Variants in TRIM33 observed in about 807,000 individuals in gnomAD.
TRIM33 encodes tripartite motif containing 33.
A neutral mutation model predicts 125.4 loss-of-function variants in TRIM33; 20 were observed. That is an observed-to-expected ratio of 0.16 (90% CI 0.11 to 0.23). The LOEUF is 0.23. Ranked by LOEUF, TRIM33 falls within the 10% of genes least tolerant of loss-of-function variation. The pLI is 1.00. For synonymous variants in TRIM33, 564 were observed against 513.9 expected, an observed-to-expected ratio of 1.10 and a Z score of -1.32; for missense variants, 920 against 1,411.4, an observed-to-expected ratio of 0.65 and a Z score of 5.58.
At position 114,510,714 on chromosome 1, in the gene TRIM33, G is replaced by A; in HGVS notation, c.363C>T (p.Leu121=). The change falls in exon 1 of 20, where the codon CTC becomes CTT. Residue 121 remains leucine, a synonymous_variant. Coordinates refer to ENST00000358465, the MANE Select transcript of TRIM33 (RefSeq NM_015906.4). ...AGPPPGPPAS[L]LDTCAVCQQS... Reference sequence around the variant, plus strand: ...GCTGACACACGGCGCAGGTGTCCAGGAGCGAGGCTGGCGGTCCAGGAGGCG... The same window carrying A: ...GCTGACACACGGCGCAGGTGTCCAGAAGCGAGGCTGGCGGTCCAGGAGGCG... 6 of 1,538,344 alleles carry A rather than the reference G, an allele frequency of 3.9e-6. No homozygotes were observed. In the African/African-American group the frequency reaches 4.1e-5, roughly 11 times the overall value.
intron 15 of TRIM33, among the ~76,000 whole-genome samples, chr1:114,403,973 C>G (rs1006044955): frequency 6.6e-6 from 1 of 151,948 alleles, no homozygotes; most frequent in Non-Finnish European, 1.5e-5. Context: ...TACCTCCTAT[C>G]TTTTAACCCT....
intron 4 of TRIM33, among the ~76,000 whole-genome samples, chr1:114,451,350 A>T (rs1329573611): frequency 6.6e-6 from 1 of 150,972 alleles, no homozygotes; most frequent in Non-Finnish European, 1.5e-5. Flanking sequence ...AGATCCACCA[A>T]ATCTTCCATT....
chr1:114,468,578 T>A (rs899761628), intron 1 of TRIM33: 3 of 393,220 alleles, frequency 7.6e-6, no homozygotes, highest in Admixed American at 7.7e-5. Context: ...ACAAAAAAGA[T>A]GTTTGATACT....
intron 1 of TRIM33, among the ~76,000 whole-genome samples, chr1:114,481,360 A>G (rs7544790): frequency 0.35 from 52,804 of 152,012 alleles, 9,867 homozygotes; most frequent in African/African-American, 0.46. Flanking sequence ...TTGGGAAGCC[A>G]AGGTGGTGGA....
chr1:114,495,150 A>G (rs1652297117), intron 1 of TRIM33, among the ~76,000 whole-genome samples: 1 of 152,116 alleles, frequency 6.6e-6, no homozygotes, highest in African/African-American at 2.4e-5. Context: ...CCTGACCTCA[A>G]GTGGTTCGCT....
At chr1:114,476,506 A>T (rs1650987979) in intron 1 of TRIM33, among the ~76,000 whole-genome samples, 1 of 152,128 alleles carries the variant, frequency 6.6e-6, no homozygotes. Flanking sequence ...AAAAAAACAG[A>T]AGTATGAGAA....
Position 114,407,042 on chromosome 1 carries a change from C to G in TRIM33, c.2317G>C (p.Val773Leu), listed in dbSNP as rs138650692. Reference protein sequence around the residue: ...KTSLSFKSDQVKVKQEPGTED... With the variant: ...KTSLSFKSDQLKVKQEPGTED... ...GTCCCAGGTTCTTGCTTGACCTTCA[C>G]CTGATCAGATTTGAAACTAAGACTT... The change falls in exon 14 of 20, where the codon GTG becomes CTG. Residue 773 changes from valine to leucine, a missense_variant. By Grantham distance (32) the Val-to-Leu change is conservative. This residue lies in a region of TRIM33 where 407 missense variants were observed against 589.7 expected (regional missense o/e 0.69). Transcript: ENST00000358465. 3 of 1,613,868 alleles carry G rather than the reference C, an allele frequency of 1.9e-6. No individual in the cohort carries two copies. The highest frequency in any genetic ancestry group is 2.2e-5 in the East Asian group (1 of 44,888).
At chr1:114,505,822 C>T (rs1424533280) in intron 1 of TRIM33, among the ~76,000 whole-genome samples, 1 of 152,140 alleles carries the variant, frequency 6.6e-6, no homozygotes, top group Non-Finnish European at 1.5e-5. Flanking sequence ...CCCGCCTCGG[C>T]CTCCCAAAGT....
At chr1:114,435,177 G>C (rs1386461972) in intron 4 of TRIM33, among the ~76,000 whole-genome samples, 1 of 152,094 alleles carries the variant, frequency 6.6e-6, no homozygotes, top group Non-Finnish European at 1.5e-5. Flanking sequence ...AAATATAAAA[G>C]ACCCAAAGAA....
chr1:114,510,976 G>T lies in TRIM33; in HGVS notation c.101C>A (p.Ala34Glu). 2 of 1,356,886 alleles carry T rather than the reference G, an allele frequency of 1.5e-6. No individual in the cohort carries two copies. The highest frequency in any genetic ancestry group is 3.5e-5 in the South Asian group (2 of 56,698). The allele number at this position is 1,356,886 out of a possible 1,614,324, so 84.1% of individuals were successfully genotyped here. ...CAGCACCGCGGTGAGAGGCGGCTCC[G>T]CCTCCTGCGCGGCGGGCCCGGCGGC... ...AGAAGPAAQE[A>E]EPPLTAVLVE... The change falls in exon 1 of 20, where the codon GCG becomes GAG. Residue 34 changes from alanine (A) to glutamate (E), a missense_variant. Ala to Glu is a moderately radical substitution (Grantham distance 107). Coordinates refer to ENST00000358465, the MANE Select transcript of TRIM33 (RefSeq NM_015906.4).
intron 8 of TRIM33, among the ~76,000 whole-genome samples, chr1:114,425,975 A>G (rs1270118645): frequency 6.6e-6 from 1 of 152,190 alleles, no homozygotes; most frequent in African/African-American, 2.4e-5. Context: ...ACTTAGACAT[A>G]CAGAAAATTA....
Position 114,399,025 on chromosome 1 carries a change from GCTA to G in TRIM33, c.3120+429_3120+431del, listed in dbSNP as rs542552011. Among the ~76,000 whole-genome samples, 6 of 151,716 alleles carry G rather than the reference GCTA, an allele frequency of 4.0e-5. No homozygotes were observed. The South Asian group carries it at 1.2e-3, about 32-fold the overall frequency. ...GAAAACTTAGTATTATATACTCTGG[GCTA>G]CTATTCAAGATGGGTCACCAGAGAT... On this transcript the variant is annotated intron_variant, in intron 18 of 19. Coordinates refer to ENST00000358465, the MANE Select transcript of TRIM33 (RefSeq NM_015906.4).
intron 1 of TRIM33, among the ~76,000 whole-genome samples, chr1:114,486,350 A>G (rs971912842): frequency 6.6e-6 from 1 of 151,892 alleles, no homozygotes; most frequent in African/African-American, 2.4e-5. Context: ...AAAAAGACCA[A>G]TGGAAATTAT....
intron 1 of TRIM33, among the ~76,000 whole-genome samples, chr1:114,497,293 C>T (rs538121779): frequency 1.1e-4 from 17 of 152,138 alleles, no homozygotes; most frequent in South Asian, 2.1e-4. Flanking sequence ...CAAATTTACA[C>T]TTAAAATTTT....
At chr1:114,458,906 G>C (rs1425695796) in intron 4 of TRIM33, among the ~76,000 whole-genome samples, 1 of 152,122 alleles carries the variant, frequency 6.6e-6, no homozygotes, top group Non-Finnish European at 1.5e-5. Context: ...ACTCAAAGTA[G>C]GGAGAATAGT....
chr1:114,488,956 G>A (rs537590242), intron 1 of TRIM33, among the ~76,000 whole-genome samples: 3 of 152,290 alleles, frequency 2.0e-5, no homozygotes, highest in East Asian at 3.9e-4. Flanking sequence ...AAGGTGAGGT[G>A]GGAGGATCAC....
chr1:114,413,388 G>A (rs903985222), intron 11 of TRIM33, among the ~76,000 whole-genome samples: 8 of 151,488 alleles, frequency 5.3e-5, no homozygotes, highest in East Asian at 1.9e-4. Context: ...AAGAAACCCC[G>A]TCTCTATTAA....
chr1:114,448,206 G>C (rs80309660), intron 4 of TRIM33, among the ~76,000 whole-genome samples: 4,044 of 152,268 alleles, frequency 0.027, 179 homozygotes, highest in African/African-American at 0.092. Context: ...TATAAGTAGA[G>C]AAATTAGCTT....
chr1:114,443,247 G>A (rs1230663310), intron 4 of TRIM33, among the ~76,000 whole-genome samples: 3 of 152,034 alleles, frequency 2.0e-5, no homozygotes, highest in African/African-American at 7.2e-5. Context: ...AGCCAGGTGT[G>A]GTGGCATGCA....
Sources: gnomAD v4.1 joint callset for allele counts (sites outside exome capture counted in the v4.1 genomes callset) on GRCh38, gnomAD v4.1.1 for gene constraint, gnomAD v4.1.1 regional missense constraint, MANE v1.5 for transcripts, NCBI Gene and HGNC (gene_info 2026-07-23, HGNC 2026-07-21) for gene names.